GRM7: variants seen among roughly 807,000 people sequenced by gnomAD.
The protein encoded by GRM7 is metabotropic glutamate receptor 7.
Under a neutral mutation model 84.5 loss-of-function variants are expected in GRM7, and 35 were observed. That is an observed-to-expected ratio of 0.41 (90% CI 0.32 to 0.55). The LOEUF is 0.55. Ranked by LOEUF, GRM7 falls within the 20% of genes least tolerant of loss-of-function variation. The probability of loss-of-function intolerance (pLI) is 0.19; values close to 1 mark genes in which losing one functional copy is unlikely to be tolerated. For missense variants in GRM7, 1,003 were observed against 1,194.6 expected, an observed-to-expected ratio of 0.84 and a Z score of 2.36; for synonymous variants, 487 against 455.1, an observed-to-expected ratio of 1.07 and a Z score of -0.89.
chr3:7,085,049 C>T (rs1237194017), intron 1 of GRM7, among the ~76,000 whole-genome samples: 1 of 152,114 alleles, frequency 6.6e-6, no homozygotes, highest in East Asian at 1.9e-4. Context: ...TATTCCATAT[C>T]TGATTTAATA....
intron 4 of GRM7, among the ~76,000 whole-genome samples, chr3:7,398,003 AACCCCCC>A (rs1203359741): frequency 6.6e-6 from 1 of 152,058 alleles, no homozygotes; most frequent in Admixed American, 6.6e-5. Flanking sequence ...ACGAAACACC[AACCCCCC>A]ACCAAAAACT....
intron 4 of GRM7, among the ~76,000 whole-genome samples, chr3:7,356,099 A>G (rs995327757): frequency 6.6e-6 from 1 of 152,064 alleles, no homozygotes; most frequent in African/African-American, 2.4e-5. Flanking sequence ...GATCAGACAC[A>G]TGTGATTTTA....
intron 7 of GRM7, among the ~76,000 whole-genome samples, chr3:7,521,251 C>T (rs532908044): frequency 6.6e-6 from 1 of 152,308 alleles, no homozygotes; most frequent in African/African-American, 2.4e-5. Context: ...CGATGTTCCC[C>T]TAGCCTTGGT....
At chr3:7,275,489 C>G (rs992723242) in intron 2 of GRM7, among the ~76,000 whole-genome samples, 2 of 152,108 alleles carry the variant, frequency 1.3e-5, no homozygotes, top group Admixed American at 6.6e-5. Flanking sequence ...AAGCCTGTGC[C>G]TCTGCACTGT....
At chr3:7,128,050 G>C (rs1228354223) in intron 1 of GRM7, among the ~76,000 whole-genome samples, 1 of 151,554 alleles carries the variant, frequency 6.6e-6, no homozygotes, top group Non-Finnish European at 1.5e-5. Flanking sequence ...TAAAAGACTA[G>C]AAGAGTTCAA....
At chr3:7,411,666 A>T (rs1323254262) in intron 4 of GRM7, among the ~76,000 whole-genome samples, 3 of 152,198 alleles carry the variant, frequency 2.0e-5, no homozygotes, top group Non-Finnish European at 4.4e-5. Context: ...TGAGATTCAT[A>T]CATGTTTTTG....
chr3:7,211,752 C>T (rs1451499170), intron 2 of GRM7, among the ~76,000 whole-genome samples: 2 of 151,320 alleles, frequency 1.3e-5, no homozygotes, highest in Non-Finnish European at 2.9e-5. Context: ...ATTCATTTTG[C>T]ACTTTAGGGT....
chr3:7,218,950 A>G lies in GRM7; in HGVS notation c.736+72282A>G, dbSNP rs562977467. On this transcript the variant is annotated intron_variant, in intron 2 of 9. Transcript: ENST00000357716. Reference sequence around the variant, plus strand: ...CATTTTTCAAAACTACCCATCATTTATTGATAATATATTGGTTATTTTTGC... The same window carrying G: ...CATTTTTCAAAACTACCCATCATTTGTTGATAATATATTGGTTATTTTTGC... Among the ~76,000 whole-genome samples the G allele has an allele frequency of 4.7e-3, 721 of 152,198 alleles. 1 individual carries two copies. The highest frequency in any genetic ancestry group is 8.3e-3 in the Non-Finnish European group (566 of 67,968).
intron 1 of GRM7, among the ~76,000 whole-genome samples, chr3:6,999,747 A>C (rs1209109540): frequency 6.6e-6 from 1 of 152,070 alleles, no homozygotes. Flanking sequence ...GCCCCTTATA[A>C]AACCACCAGA....
chr3:7,380,812 C>A (rs1694559259), intron 4 of GRM7, among the ~76,000 whole-genome samples: 1 of 152,170 alleles, frequency 6.6e-6, no homozygotes, highest in African/African-American at 2.4e-5. Flanking sequence ...CCCTAAACCC[C>A]ATTAGAACTG....
chr3:7,455,038 A>C (rs1697946831), intron 6 of GRM7, among the ~76,000 whole-genome samples: 1 of 152,168 alleles, frequency 6.6e-6, no homozygotes, highest in Non-Finnish European at 1.5e-5. Context: ...CCAGAATATA[A>C]GAAAGTTCTC....
chr3:7,534,699 G>T (rs1004622853), intron 7 of GRM7, among the ~76,000 whole-genome samples: 1 of 151,982 alleles, frequency 6.6e-6, no homozygotes, highest in Non-Finnish European at 1.5e-5. Flanking sequence ...ATTCTATGTG[G>T]AATATATAGT....
chr3:7,393,300 T>C (rs1243995316), intron 4 of GRM7, among the ~76,000 whole-genome samples: 4 of 152,154 alleles, frequency 2.6e-5, no homozygotes, highest in Admixed American at 2.6e-4. Flanking sequence ...CGGAATTCTG[T>C]GTGGGTTCCC....
chr3:6,917,596 A>T (rs1287926704), intron 1 of GRM7, among the ~76,000 whole-genome samples: 1 of 151,900 alleles, frequency 6.6e-6, no homozygotes, highest in Non-Finnish European at 1.5e-5. Flanking sequence ...GCACAAACAA[A>T]TGCTCATAAT....
chr3:6,886,942 G>T (rs1695719125), intron 1 of GRM7, among the ~76,000 whole-genome samples: 1 of 151,584 alleles, frequency 6.6e-6, no homozygotes, highest in South Asian at 2.1e-4. Flanking sequence ...TGAGTACTTT[G>T]CTTAACCCGT....
At chr3:7,226,975 C>T (rs994087984) in intron 2 of GRM7, among the ~76,000 whole-genome samples, 1 of 152,132 alleles carries the variant, frequency 6.6e-6, no homozygotes, top group African/African-American at 2.4e-5. Context: ...TTTCAAAGGG[C>T]ATTTCCAAGG....
At chr3:7,214,021 C>T (rs1435413667) in intron 2 of GRM7, among the ~76,000 whole-genome samples, 5 of 150,138 alleles carry the variant, frequency 3.3e-5, no homozygotes, top group Non-Finnish European at 5.9e-5. Flanking sequence ...TTATTCTAAA[C>T]AAAAAGTACT....
chr3:7,734,318 A>G (rs1302020465), intron 9 of GRM7, among the ~76,000 whole-genome samples: 1 of 152,056 alleles, frequency 6.6e-6, no homozygotes, highest in Non-Finnish European at 1.5e-5. Flanking sequence ...CACTGAGTAG[A>G]AAAAAAGGAT....
At chr3:7,227,132 G>T (rs1244605699) in intron 2 of GRM7, among the ~76,000 whole-genome samples, 1 of 152,118 alleles carries the variant, frequency 6.6e-6, no homozygotes, top group East Asian at 1.9e-4. Flanking sequence ...TATTCAGCCT[G>T]TTAAACTGTA....
Sources: allele counts gnomAD v4.1 joint callset (sites outside exome capture counted in the v4.1 genomes callset), GRCh38; gene constraint gnomAD v4.1.1; transcripts MANE v1.5; gene names NCBI Gene and HGNC (gene_info 2026-07-23, HGNC 2026-07-21).